The following ADAMTSL3 variants were observed in gnomAD, a reference collection of about 807,000 sequenced individuals.
ADAMTSL3 encodes the protein ADAMTS-like protein 3.
A neutral mutation model predicts 201.7 loss-of-function variants in ADAMTSL3; 128 were observed. The ratio of observed to expected loss-of-function variants is 0.63; its 90% confidence interval spans 0.55 to 0.73. The LOEUF (loss-of-function observed/expected upper bound fraction) is 0.73, where lower values mean the gene tolerates loss of function less well. Among genes scored for constraint, ADAMTSL3 ranks in the 30% least tolerant of loss-of-function variants. The pLI is 0.00. For synonymous variants in ADAMTSL3, 738 were observed against 748.4 expected (o/e 0.99, Z 0.23); for missense variants, 1,990 against 2,119.6 (o/e 0.94, Z 1.20).
At chr15:83,700,399 G>A (rs2061755215) in intron 2 of ADAMTSL3, among the ~76,000 whole-genome samples, 1 of 152,194 alleles carries the variant, frequency 6.6e-6, no homozygotes, top group Admixed American at 6.5e-5. Flanking sequence ...AACTCTCAGA[G>A]CTATAGTTTA....
chr15:83,782,341 G>A (rs2063184526), intron 4 of ADAMTSL3, among the ~76,000 whole-genome samples: 1 of 152,096 alleles, frequency 6.6e-6, no homozygotes, highest in South Asian at 2.1e-4. Context: ...GCCGGGCATG[G>A]TGACGGGTGC....
chr15:83,977,589 G>GAAAA (rs1225926548), intron 20 of ADAMTSL3, among the ~76,000 whole-genome samples: 2 of 149,270 alleles, frequency 1.3e-5, no homozygotes, highest in Admixed American at 1.3e-4. Flanking sequence ...GAAAGGACCA[G>GAAAA]AAAAAAAAAG....
chr15:84,005,489 C>G (rs2067877202), intron 23 of ADAMTSL3, among the ~76,000 whole-genome samples: 2 of 152,164 alleles, frequency 1.3e-5, no homozygotes, highest in African/African-American at 4.8e-5. Flanking sequence ...TCTTGACTTT[C>G]TTCTTCAAGG....
At chr15:83,668,131 A>G (rs1595993774) in intron 2 of ADAMTSL3, among the ~76,000 whole-genome samples, 1 of 152,230 alleles carries the variant, frequency 6.6e-6, no homozygotes, top group Admixed American at 6.5e-5. Flanking sequence ...GCAATTGGGA[A>G]CATGCTAGAC....
intron 7 of ADAMTSL3, among the ~76,000 whole-genome samples, chr15:83,856,675 C>A (rs2064741965): frequency 1.3e-5 from 2 of 152,140 alleles, no homozygotes; most frequent in South Asian, 4.1e-4. Flanking sequence ...TCAATTCTGC[C>A]TTTGTAGAGC....
intron 3 of ADAMTSL3, among the ~76,000 whole-genome samples, chr15:83,731,675 A>G (rs1033922558): frequency 3.3e-5 from 5 of 152,180 alleles, no homozygotes; most frequent in African/African-American, 1.2e-4. Flanking sequence ...TTGATAGATG[A>G]ATGGATAAAG....
chr15:83,964,732 A>G (rs1312367955), intron 19 of ADAMTSL3, among the ~76,000 whole-genome samples: 1 of 152,212 alleles, frequency 6.6e-6, no homozygotes, highest in African/African-American at 2.4e-5. Flanking sequence ...CAGATTTACC[A>G]TGATTGAAAT....
chr15:83,712,199 C>CTCTTCAGTGGCCTTT (rs1225433683), intron 3 of ADAMTSL3, among the ~76,000 whole-genome samples: 1 of 152,210 alleles, frequency 6.6e-6, no homozygotes, highest in East Asian at 1.9e-4. Flanking sequence ...ACCATCTCCT[C>CTCTTCAGTGGCCTTT]TCTTCAGTGG....
intron 23 of ADAMTSL3, among the ~76,000 whole-genome samples, chr15:84,009,597 T>G (rs1427474582): frequency 6.6e-6 from 1 of 152,228 alleles, no homozygotes; most frequent in African/African-American, 2.4e-5. Context: ...ACTTGTAATG[T>G]GATACGAAAA....
chr15:83,704,418 T>C lies in ADAMTSL3; in HGVS notation c.99T>C (p.Tyr33=). 6.2e-7 allele frequency: 1 copy of C among 1,614,198 alleles called. No homozygotes were observed. The highest frequency in any genetic ancestry group is 8.5e-7 in the Non-Finnish European group (1 of 1,180,036). The part of the protein sequence containing the change: ...QTTAEKSPGA[Y]FLPEFALSPQ... ...CAGCTGAGAAATCTCCTGGAGCCTA[T>C]TTCCTTCCCGAGTTTGCACTTTCTC... Residue 33 remains tyrosine (Y), a synonymous_variant, in exon 3 of 30, where the codon TAT becomes TAC. Coordinates refer to ENST00000286744, the MANE Select transcript of ADAMTSL3 (RefSeq NM_207517.3).
intron 3 of ADAMTSL3, among the ~76,000 whole-genome samples, chr15:83,766,210 T>G (rs148083073): frequency 6.6e-6 from 1 of 152,308 alleles, no homozygotes; most frequent in Non-Finnish European, 1.5e-5. Context: ...AACCAAAGGT[T>G]GCCATTGCCT....
chr15:83,849,366 A>G (rs1414951569), intron 7 of ADAMTSL3, among the ~76,000 whole-genome samples: 1 of 152,128 alleles, frequency 6.6e-6, no homozygotes, highest in East Asian at 1.9e-4. Flanking sequence ...ACCTCAAGTG[A>G]TCTCCTACCT....
chr15:83,750,399 T>C (rs1301790079), intron 3 of ADAMTSL3, among the ~76,000 whole-genome samples: 1 of 152,256 alleles, frequency 6.6e-6, no homozygotes, highest in African/African-American at 2.4e-5. Flanking sequence ...TATTTCTTTT[T>C]CCCTTGTAAG....
At chr15:83,819,573 A>T (rs1354379010) in intron 5 of ADAMTSL3, among the ~76,000 whole-genome samples, 1 of 151,890 alleles carries the variant, frequency 6.6e-6, no homozygotes, top group Admixed American at 6.6e-5. Flanking sequence ...TGGGTGGGTG[A>T]ATGATCAGAA....
rs532145488 is a variant in ADAMTSL3 at position 83,850,442 on chromosome 15, G to GTA, written c.728-8316_728-8315dup. ...TACATATGTGTGTATATACATATGTGTATATATATGTGTATGTTTATATAT... is the reference window on the plus strand; with the variant it reads ...TACATATGTGTGTATATACATATGTGTATATATATATGTGTATGTTTATATAT... On this transcript the variant is annotated intron_variant, in intron 7 of 29. Coordinates refer to ENST00000286744, the MANE Select transcript of ADAMTSL3 (RefSeq NM_207517.3). 3.3e-4 allele frequency among the ~76,000 whole-genome samples: 50 copies of GTA among 150,606 alleles called. No individual in the cohort carries two copies. In the East Asian group the frequency reaches 6.8e-3, roughly 20 times the overall value.
chr15:83,863,918 T>C (rs1301472023), intron 8 of ADAMTSL3, among the ~76,000 whole-genome samples: 1 of 152,094 alleles, frequency 6.6e-6, no homozygotes, highest in Non-Finnish European at 1.5e-5. Context: ...CAATAAAAAA[T>C]GATAAAGGGG....
intron 6 of ADAMTSL3, among the ~76,000 whole-genome samples, chr15:83,828,877 C>G (rs2064086100): frequency 2.0e-5 from 3 of 152,156 alleles, no homozygotes; most frequent in South Asian, 2.1e-4. Flanking sequence ...GGATGAAGCC[C>G]ACTTGATCAT....
chr15:83,704,363 T>C lies in ADAMTSL3; in HGVS notation c.70-26T>C, dbSNP rs777688260. 28 of 1,614,140 alleles carry C rather than the reference T, an allele frequency of 1.7e-5. 1 individual carries two copies. The highest frequency in any genetic ancestry group is 2.3e-5 in the Non-Finnish European group (27 of 1,179,994). On this transcript the variant is annotated intron_variant, in intron 2 of 29. Transcript: ENST00000286744. ...AGGGGGTCCTTACTGGAGCCTTATTTGTGACCAAATGATCTTGTTTTTCAG... is the reference window on the plus strand; with the variant it reads ...AGGGGGTCCTTACTGGAGCCTTATTCGTGACCAAATGATCTTGTTTTTCAG...
intron 5 of ADAMTSL3, among the ~76,000 whole-genome samples, chr15:83,811,302 T>A (rs749615275): frequency 1.3e-5 from 2 of 152,174 alleles, no homozygotes; most frequent in Non-Finnish European, 2.9e-5. Flanking sequence ...TTGTAGTCAT[T>A]CAAGAACAAA....
Sources: allele counts gnomAD v4.1 joint callset (sites outside exome capture counted in the v4.1 genomes callset), GRCh38; gene constraint gnomAD v4.1.1; transcripts MANE v1.5; gene names NCBI Gene and HGNC (gene_info 2026-07-23, HGNC 2026-07-21).